Variants in LGSN observed in about 807,000 individuals in gnomAD.
LGSN encodes the protein lengsin, lens protein with glutamine synthetase domain.
Under a neutral mutation model 19.5 loss-of-function variants are expected in LGSN, and 21 were observed. That is an observed-to-expected ratio of 1.07 (90% CI 0.76 to 1.55). The LOEUF is 1.55. Ranked by LOEUF, LGSN falls within the 40% of genes most tolerant of loss-of-function variation. The pLI is 0.00. For synonymous variants in LGSN, 257 were observed against 215.6 expected (o/e 1.19, Z -1.68); for missense variants, 673 against 608.5 (o/e 1.11, Z -1.12).
the LGSN span, among the ~76,000 whole-genome samples, chr6:63,335,142 CA>C: frequency 0.16 from 12,913 of 81,844 alleles, 937 homozygotes; most frequent in African/African-American, 0.33. Context: ...GACTCCATCT[CA>C]AAAAAAAAAA....
chr6:63,569,974 C>A, the LGSN span, among the ~76,000 whole-genome samples: 9 of 152,180 alleles, frequency 5.9e-5, no homozygotes, highest in South Asian at 1.2e-3. Flanking sequence ...AAGTATTAAA[C>A]TAAATACAGC....
the LGSN span, among the ~76,000 whole-genome samples, chr6:63,565,833 A>T: frequency 6.6e-6 from 1 of 152,234 alleles, no homozygotes; most frequent in Admixed American, 6.5e-5. Flanking sequence ...TAAATCTTTA[A>T]ATCAATGTCT....
Position 63,279,839 on chromosome 6 carries a change from C to T in LGSN, c.*182G>A. Reference sequence around the variant, plus strand: ...CAACTTTGTTGTTTGTTTCTGTTATCAGAATCTTCTCAGCAGTCCTACTTC... The same window carrying T: ...CAACTTTGTTGTTTGTTTCTGTTATTAGAATCTTCTCAGCAGTCCTACTTC... On this transcript the variant is annotated 3_prime_UTR_variant, in exon 4 of 4. Transcript: ENST00000370657. 5.6e-6 allele frequency: 3 copies of T among 539,062 alleles called. No individual in the cohort carries two copies. The highest frequency in any genetic ancestry group is 9.7e-6 in the Non-Finnish European group (3 of 307,786). The allele number at this position is 539,062 out of a possible 1,614,324, so 33.4% of individuals were successfully genotyped here. A position where few individuals can be genotyped will look rare whatever the true frequency, so the allele number is the denominator to read the frequency against.
chr6:63,396,134 TG>T, the LGSN span: 1 of 155,080 alleles, frequency 6.4e-6, no homozygotes. Flanking sequence ...TCTCATTGTC[TG>T]GTTGCTATCT....
chr6:63,403,693 C>CTA, the LGSN span, among the ~76,000 whole-genome samples: 13 of 152,080 alleles, frequency 8.5e-5, no homozygotes, highest in African/African-American at 3.1e-4. Flanking sequence ...GGTGAGATCA[C>CTA]TACACATTCT....
intron 2 of LGSN, chr6:63,293,986 G>A (rs1767874394): frequency 5.7e-6 from 2 of 350,184 alleles, no homozygotes; most frequent in South Asian, 2.2e-5. Context: ...GGGGCAATGG[G>A]AGTGGTCTAC....
At chr6:63,317,348 A>G (rs1219227626) in intron 1 of LGSN, among the ~76,000 whole-genome samples, 1 of 152,160 alleles carries the variant, frequency 6.6e-6, no homozygotes, top group Non-Finnish European at 1.5e-5. Context: ...ACTTTGCCCC[A>G]TGTCACACAG....
At chr6:63,413,669 G>A in the LGSN span, among the ~76,000 whole-genome samples, 2 of 152,068 alleles carry the variant, frequency 1.3e-5, no homozygotes, top group Non-Finnish European at 2.9e-5. Context: ...TATATGTATT[G>A]CACAAAGGTT....
the LGSN span, among the ~76,000 whole-genome samples, chr6:63,345,028 T>C: frequency 2.6e-5 from 4 of 151,552 alleles, no homozygotes; most frequent in Admixed American, 2.0e-4. Context: ...TGTTTATAAC[T>C]TAATTTCTAA....
the LGSN span, among the ~76,000 whole-genome samples, chr6:63,421,881 G>A: frequency 3.3e-5 from 5 of 151,932 alleles, no homozygotes; most frequent in Admixed American, 1.3e-4. Flanking sequence ...GAAAAAAGAG[G>A]GCATGAATGA....
chr6:63,499,446 G>A, the LGSN span, among the ~76,000 whole-genome samples: 7 of 152,058 alleles, frequency 4.6e-5, no homozygotes, highest in Non-Finnish European at 1.0e-4. Flanking sequence ...TTATATATTA[G>A]ATTCCTGAAA....
At chr6:63,409,670 T>C in the LGSN span, among the ~76,000 whole-genome samples, 2 of 152,228 alleles carry the variant, frequency 1.3e-5, no homozygotes, top group East Asian at 3.8e-4. Flanking sequence ...ATAGCTCAGA[T>C]GGCCTTGTGT....
chr6:63,444,897 C>T, the LGSN span, among the ~76,000 whole-genome samples: 14 of 152,114 alleles, frequency 9.2e-5, no homozygotes, highest in African/African-American at 1.4e-4. Context: ...AGCCAACCAA[C>T]GAAAGGCTGG....
the LGSN span, among the ~76,000 whole-genome samples, chr6:63,363,307 A>G: frequency 6.6e-6 from 1 of 152,258 alleles, no homozygotes; most frequent in Admixed American, 6.5e-5. Context: ...CCAAAGGAAC[A>G]CAACTCCTCA....
At chr6:63,299,882 A>G (rs1027431503) in intron 1 of LGSN, among the ~76,000 whole-genome samples, 4 of 152,096 alleles carry the variant, frequency 2.6e-5, no homozygotes, top group African/African-American at 9.7e-5. Context: ...TTTTTGCTAT[A>G]TGTTTTAGGG....
At chr6:63,569,848 G>C in the LGSN span, among the ~76,000 whole-genome samples, 1 of 152,174 alleles carries the variant, frequency 6.6e-6, no homozygotes, top group Non-Finnish European at 1.5e-5. Flanking sequence ...CTTTAAATAA[G>C]TACAGGTGCT....
At chr6:63,526,508 T>G in the LGSN span, among the ~76,000 whole-genome samples, 1 of 149,902 alleles carries the variant, frequency 6.7e-6, no homozygotes, top group Non-Finnish European at 1.5e-5. Flanking sequence ...AACAAAAATA[T>G]TTTTTTAAAA....
At chr6:63,571,102 A>G in the LGSN span, 1 of 152,264 alleles carries the variant, frequency 6.6e-6, no homozygotes, top group Admixed American at 6.5e-5. Flanking sequence ...TAGGTGAGCC[A>G]TTTTCTTCCA....
At chr6:63,444,363 A>C in the LGSN span, among the ~76,000 whole-genome samples, 11 of 152,254 alleles carry the variant, frequency 7.2e-5, no homozygotes, top group Non-Finnish European at 1.5e-4. Flanking sequence ...TTAATGATGT[A>C]GACAGTGAAA....
Sources: gnomAD v4.1 joint callset for allele counts (sites outside exome capture counted in the v4.1 genomes callset) on GRCh38, gnomAD v4.1.1 for gene constraint, MANE v1.5 for transcripts, NCBI Gene and HGNC (gene_info 2026-07-23, HGNC 2026-07-21) for gene names.